The following WDPCP variants were observed in gnomAD, a reference collection of about 807,000 sequenced individuals.
WDPCP encodes the protein WD repeat containing planar cell polarity effector, also known as WD repeat-containing and planar cell polarity effector protein fritz homolog.
A neutral mutation model predicts 93.1 loss-of-function variants in WDPCP; 71 were observed. The observed-to-expected ratio is 0.76, with a 90% CI of 0.63 to 0.93. WDPCP has a LOEUF of 0.93. Among genes scored for constraint, WDPCP ranks in the 40% least tolerant of loss-of-function variants. The pLI is 0.00. For missense variants in WDPCP, 844 were observed against 887.4 expected (o/e 0.95, Z 0.62); for synonymous variants, 315 against 315.0 (o/e 1.00, Z 0.00).
At chr2:63,382,305 C>T (rs1692381244) in intron 10 of WDPCP, among the ~76,000 whole-genome samples, 1 of 151,986 alleles carries the variant, frequency 6.6e-6, no homozygotes, top group African/African-American at 2.4e-5. Context: ...AAAGAAAATT[C>T]ACTTTTACTC....
At chr2:63,123,432 C>A (rs1669681872) in intron 17 of WDPCP, among the ~76,000 whole-genome samples, 2 of 152,016 alleles carry the variant, frequency 1.3e-5, no homozygotes, top group Admixed American at 6.6e-5. Flanking sequence ...TGTCTTCTAT[C>A]CATGATTTAA....
At chr2:63,355,713 C>A (rs1015301209) in intron 12 of WDPCP, among the ~76,000 whole-genome samples, 1 of 151,998 alleles carries the variant, frequency 6.6e-6, no homozygotes, top group African/African-American at 2.4e-5. Context: ...GACCCCCCAA[C>A]CCCCATCTCT....
chr2:63,675,433 T>G (rs973426828), intron 2 of WDPCP, among the ~76,000 whole-genome samples: 1 of 152,142 alleles, frequency 6.6e-6, no homozygotes, highest in African/African-American at 2.4e-5. Flanking sequence ...AAGGGAATGG[T>G]TCTAAAGTGA....
intron 2 of WDPCP, among the ~76,000 whole-genome samples, chr2:63,748,129 A>T (rs1669826065): frequency 6.6e-6 from 1 of 151,854 alleles, no homozygotes; most frequent in South Asian, 2.1e-4. Context: ...TTAAATTTAC[A>T]TTCATTTAAA....
chr2:63,732,110 T>G (rs1253402938), intron 2 of WDPCP, among the ~76,000 whole-genome samples: 1 of 152,190 alleles, frequency 6.6e-6, no homozygotes, highest in African/African-American at 2.4e-5. Context: ...GTAGACACTC[T>G]TACAATAAAG....
At chr2:63,489,165 C>T (rs1356278981) in intron 2 of WDPCP, among the ~76,000 whole-genome samples, 1 of 151,952 alleles carries the variant, frequency 6.6e-6, no homozygotes, top group Non-Finnish European at 1.5e-5. Context: ...GAAGGAGTAG[C>T]CACAGAGATA....
chr2:63,493,980 C>T (rs938809502), intron 1 of WDPCP, among the ~76,000 whole-genome samples: 3 of 152,028 alleles, frequency 2.0e-5, no homozygotes, highest in Non-Finnish European at 4.4e-5. Context: ...AAAAATATTT[C>T]CCATAGTATC....
At chr2:63,735,707 GACACCGTCAGACT>G (rs1282893461) in intron 2 of WDPCP, among the ~76,000 whole-genome samples, 1 of 152,094 alleles carries the variant, frequency 6.6e-6, no homozygotes, top group Non-Finnish European at 1.5e-5. Flanking sequence ...AAAAGAGAGA[GACACCGTCAGACT>G]AGAGGCATGG....
chr2:63,602,254 A>C (rs1011126200), intron 3 of WDPCP, among the ~76,000 whole-genome samples: 1 of 152,146 alleles, frequency 6.6e-6, no homozygotes, highest in Non-Finnish European at 1.5e-5. Context: ...TACTTAACTG[A>C]ATAAATTAGT....
chr2:63,706,911 C>T (rs1199245381), intron 2 of WDPCP, among the ~76,000 whole-genome samples: 4 of 152,236 alleles, frequency 2.6e-5, no homozygotes, highest in Admixed American at 6.5e-5. Context: ...CCACCGTGCC[C>T]GGCCTTGAAA....
chr2:63,256,032 G>A (rs1681111853), intron 14 of WDPCP, among the ~76,000 whole-genome samples: 1 of 152,022 alleles, frequency 6.6e-6, no homozygotes, highest in African/African-American at 2.4e-5. Flanking sequence ...AAATAGAGAA[G>A]ACCTAAATAA....
intron 6 of WDPCP, among the ~76,000 whole-genome samples, chr2:63,450,066 G>C (rs1698129223): frequency 6.6e-6 from 1 of 152,184 alleles, no homozygotes; most frequent in South Asian, 2.1e-4. Context: ...CAGAGCCCCA[G>C]AGCTCCCTAT....
chr2:63,460,840 A>G (rs547857988), intron 6 of WDPCP, among the ~76,000 whole-genome samples: 1 of 151,408 alleles, frequency 6.6e-6, no homozygotes, highest in East Asian at 1.9e-4. Context: ...GTTAGCCAGG[A>G]TGGTCTTCAT....
At chr2:63,531,927 A>G (rs529122898) in intron 1 of WDPCP, among the ~76,000 whole-genome samples, 45 of 152,332 alleles carry the variant, frequency 3.0e-4, no homozygotes, top group Middle Eastern at 3.4e-3. Flanking sequence ...CTAAAGGAGG[A>G]TGTTCGAACC....
At chr2:63,342,566 A>C (rs2104469224) in intron 12 of WDPCP, among the ~76,000 whole-genome samples, 1 of 152,258 alleles carries the variant, frequency 6.6e-6, no homozygotes, top group South Asian at 2.1e-4. Context: ...GATTATAATT[A>C]ATGTACTAAA....
intron 2 of WDPCP, among the ~76,000 whole-genome samples, chr2:63,807,111 A>G (rs1030509840): frequency 8.5e-5 from 13 of 152,226 alleles, no homozygotes; most frequent in Non-Finnish European, 8.8e-5. Context: ...AAGAAATTAC[A>G]AAAGTATTAA....
At chr2:63,765,112 G>A (rs1213929718) in intron 2 of WDPCP, among the ~76,000 whole-genome samples, 2 of 152,144 alleles carry the variant, frequency 1.3e-5, no homozygotes, top group African/African-American at 4.8e-5. Flanking sequence ...TCTAAAGGTA[G>A]ATATTTAAAA....
At chr2:63,541,755 G>A (rs1247934273) in intron 1 of WDPCP, among the ~76,000 whole-genome samples, 2 of 151,994 alleles carry the variant, frequency 1.3e-5, no homozygotes, top group Non-Finnish European at 2.9e-5. Context: ...AGACCAACCT[G>A]CTTTTTTGAC....
chr2:63,459,464 C>T (rs773067599), intron 6 of WDPCP, among the ~76,000 whole-genome samples: 1 of 151,978 alleles, frequency 6.6e-6, no homozygotes, highest in African/African-American at 2.4e-5. Flanking sequence ...ATATGACTAA[C>T]ACCACAATGT....
Sources: allele counts gnomAD v4.1 joint callset (sites outside exome capture counted in the v4.1 genomes callset), GRCh38; gene constraint gnomAD v4.1.1; transcripts MANE v1.5; gene names NCBI Gene and HGNC (gene_info 2026-07-23, HGNC 2026-07-21).